FAN1: variants seen among roughly 807,000 people sequenced by gnomAD.
The protein encoded by FAN1 is fanconi-associated nuclease 1.
Under a neutral mutation model 104.9 loss-of-function variants are expected in FAN1, and 91 were observed. That is an observed-to-expected ratio of 0.87 (90% CI 0.73 to 1.03). The LOEUF is 1.03. FAN1 is among the 50% of genes least tolerant of loss of function. The pLI is 0.00. For missense variants in FAN1, 1,263 were observed against 1,239.9 expected (o/e 1.02, Z -0.28); for synonymous variants, 478 against 457.6 (o/e 1.04, Z -0.57).
At position 30,918,188 on chromosome 15, in the gene FAN1, G is replaced by A. The variant is rs201558469; in HGVS notation, c.1836G>A (p.Leu612=). The change falls in exon 6 of 15, where the codon CTG becomes CTA. Residue 612 remains leucine (L), a synonymous_variant. Coordinates refer to ENST00000362065, the MANE Select transcript of FAN1 (RefSeq NM_014967.5). ...GATATGCAGCAGCCACGCACATGCT[G>A]AGTGACATTTCTTCCGCAATGGCCA... The part of the protein sequence containing the change: ...LIRYAAATHM[L]SDISSAMANG... 3 of 1,614,034 alleles carry A rather than the reference G, an allele frequency of 1.9e-6. No individual in the cohort carries two copies. Among genetic ancestry groups the A allele is most frequent in the Non-Finnish European group, 2.5e-6 (3 of 1,180,020 alleles).
rs898831862 is a variant in FAN1, at chr15:30,927,555, C to T, written c.2489-998C>T. On this transcript the variant is annotated intron_variant, in intron 10 of 14. Coordinates refer to ENST00000362065, the MANE Select transcript of FAN1 (RefSeq NM_014967.5). The stretch of plus-strand genomic sequence containing the variant: ...GCTGTGGCTTCCTGCCCTCTGCTCT[C>T]ACAGCACCCCTGATCCCACTCACTG... The T allele has an allele frequency of 5.1e-6, 5 of 985,602 alleles. No individual in the cohort carries two copies. The African/African-American group carries it at 8.7e-5, about 17-fold the overall frequency. The allele number at this position is 985,602 out of a possible 1,614,324, so 61.1% of individuals were successfully genotyped here. A position where few individuals can be genotyped will look rare whatever the true frequency, so the allele number is the denominator to read the frequency against.
chr15:30,930,959 C>G (rs767215929), intron 13 of FAN1, among the ~76,000 whole-genome samples: 1 of 152,184 alleles, frequency 6.6e-6, no homozygotes, highest in Non-Finnish European at 1.5e-5. Context: ...GAACGAGTCT[C>G]TAGTCCAGCT....
intron 8 of FAN1, among the ~76,000 whole-genome samples, chr15:30,923,599 A>T (rs1237976432): frequency 6.6e-6 from 1 of 152,154 alleles, no homozygotes; most frequent in African/African-American, 2.4e-5. Flanking sequence ...AATTCCTGCA[A>T]AGTGCTCTGC....
Position 30,943,095 on chromosome 15 carries a change from T to G in FAN1, c.*1533T>G. On this transcript the variant is annotated 3_prime_UTR_variant, in exon 15 of 15. Transcript: ENST00000362065. ...TTCCTGCAAAATAAATAAATAAATA[T>G]TTGCAAAACTAAAGATTCTCTCATG... is the stretch of plus-strand genomic sequence containing the variant. 1.3e-6 allele frequency: 2 copies of G among 1,527,268 alleles called. No individual in the cohort carries two copies. Among genetic ancestry groups the G allele is most frequent in the Non-Finnish European group, 1.8e-6 (2 of 1,137,572 alleles). 94.6% of individuals were successfully genotyped at this position (1,527,268 alleles called of 1,614,324 possible). A position where few individuals can be genotyped will look rare whatever the true frequency, so the allele number is the denominator to read the frequency against.
rs772219925 is a variant in FAN1, at chr15:30,942,973, T to C, written c.*1411T>C. ...ATGTAGAAGGGGTTATGGAAAAGGG[T>C]GCGATCCTTTGCTGTAAACTGGAGA... is the stretch of plus-strand genomic sequence containing the variant. On this transcript the variant is annotated 3_prime_UTR_variant, in exon 15 of 15. Transcript: ENST00000362065. 6.4e-7 allele frequency: 1 copy of C among 1,555,898 alleles called. No individual in the cohort carries two copies. The highest frequency in any genetic ancestry group is 1.9e-5 in the Admixed American group (1 of 51,386).
At position 30,909,855 on chromosome 15, in the gene FAN1, G is replaced by C; in HGVS notation, c.1376-759G>C. On this transcript the variant is annotated intron_variant, in intron 3 of 14. Coordinates refer to ENST00000362065, the MANE Select transcript of FAN1 (RefSeq NM_014967.5). ...CTTGTCAAAGGTTTGCCTGACTACTGTGTGAAATACAGCCAGCCTCCTGCC... is the reference window on the plus strand; with the variant it reads ...CTTGTCAAAGGTTTGCCTGACTACTCTGTGAAATACAGCCAGCCTCCTGCC... Among the ~76,000 whole-genome samples, 3 of 152,310 alleles carry C rather than the reference G, an allele frequency of 2.0e-5. No homozygotes were observed. In the South Asian group the frequency reaches 6.2e-4, roughly 32 times the overall value.
rs754760573 is a variant in FAN1, at chr15:30,904,835, C to T, written c.172C>T (p.Arg58Trp). Residue 58 changes from arginine to tryptophan, a missense_variant, in exon 2 of 15, where the codon CGG (arginine) becomes TGG (tryptophan). Physicochemically the swap from Arg to Trp is moderately radical, Grantham distance 101. Coordinates refer to ENST00000362065, the MANE Select transcript of FAN1 (RefSeq NM_014967.5). ...SKMVPRYDLN[R>W]HLDEMCANND... ...AATGGTGCCTAGATATGACTTAAAC[C>T]GGCACCTTGATGAAATGTGTGCTAA... 3 of 1,613,246 alleles carry T rather than the reference C, an allele frequency of 1.9e-6. No individual in the cohort carries two copies. The highest frequency in any genetic ancestry group is 1.7e-6 in the Non-Finnish European group (2 of 1,179,286).
In FAN1 at chr15:30,941,297, TTAAAA is replaced by T. The variant is rs772793403; in HGVS notation, c.*4-265_*4-261del. 1.1e-5 allele frequency: 16 copies of T among 1,516,850 alleles called. No individual in the cohort carries two copies. In the African/African-American group the frequency reaches 1.5e-4, roughly 14 times the overall value. The allele number at this position is 1,516,850 out of a possible 1,614,324, so 94.0% of individuals were successfully genotyped here. ...GACAGGAACAAAATTTACATCTCTC[TTAAAA>T]TAAGTGTGAAAGAAGCATGATTCAA... On this transcript the variant is annotated intron_variant, in intron 14 of 14. Transcript: ENST00000362065.
At chr15:30,937,464 TTTTTTGAGACAGAGTCTCGCTCTG>T (rs991023492) in intron 14 of FAN1, among the ~76,000 whole-genome samples, 1 of 147,456 alleles carries the variant, frequency 6.8e-6, no homozygotes, top group South Asian at 2.2e-4. Context: ...TTTTTTTTTT[TTTTTTGAGACAGAGTCTCGCTCTG>T]TCACCCAGGC....
rs1315381732 is a variant in FAN1 at position 30,925,182 on chromosome 15, G to A, written c.2228G>A (p.Arg743His). The A allele has an allele frequency of 4.3e-6, 7 of 1,613,998 alleles. No homozygotes were observed. The highest frequency in any genetic ancestry group is 1.7e-5 in the Admixed American group (1 of 60,010). Residue 743 changes from arginine (R) to histidine (H), a missense_variant, in exon 9 of 15, where the codon CGC becomes CAC. Around this residue, in one of 2 missense-constraint regions of FAN1, gnomAD observed 581 missense variants for 668.8 expected, o/e 0.87. Transcript: ENST00000362065. Reference sequence around the variant, plus strand: ...GATCCGGAAGTCAGAACGGGACACCGCCTTTCACTGTATCAGCGAGCCGTG... The same window carrying A: ...GATCCGGAAGTCAGAACGGGACACCACCTTTCACTGTATCAGCGAGCCGTG... ...LADPEVRTGH[R>H]LSLYQRAVRL... is the part of the protein sequence containing the mutation.
chr15:30,940,274 ATACTT>A (rs10608023), intron 14 of FAN1: 315,798 of 984,354 alleles, frequency 0.32, 51,865 homozygotes, highest in Non-Finnish European at 0.34. Flanking sequence ...CAGTTTGGAA[ATACTT>A]TACTTTAGAG....
intron 3 of FAN1, among the ~76,000 whole-genome samples, chr15:30,909,501 C>T (rs1015547710): frequency 1.3e-5 from 2 of 152,186 alleles, no homozygotes; most frequent in Admixed American, 6.5e-5. Context: ...GTGCAGCTTC[C>T]GTAAATTCAT....
chr15:30,909,488 G>A (rs571451556), intron 3 of FAN1, among the ~76,000 whole-genome samples: 7 of 152,234 alleles, frequency 4.6e-5, no homozygotes, highest in Non-Finnish European at 1.0e-4. Context: ...CTTGGAAAAT[G>A]TGGTGCAGCT....
chr15:30,905,129 G>C lies in FAN1; in HGVS notation c.466G>C (p.Ala156Pro). The C allele has an allele frequency of 6.2e-7, 1 of 1,613,938 alleles. No homozygotes were observed. The highest frequency in any genetic ancestry group is 1.3e-5 in the African/African-American group (1 of 75,020). ...GAAAGTCATTTGTTTGGGAAGCCTA[G>C]CATCTAAATTGTCCAGAAAATACGT... Reference protein sequence around the residue: ...SVKVICLGSLASKLSRKYVKA... With the variant: ...SVKVICLGSLPSKLSRKYVKA... Residue 156 changes from alanine to proline, a missense_variant, in exon 2 of 15, where the codon GCA becomes CCA. Coordinates refer to ENST00000362065, the MANE Select transcript of FAN1 (RefSeq NM_014967.5).
intron 10 of FAN1, chr15:30,927,899 T>C: frequency 1.0e-6 from 1 of 985,736 alleles, no homozygotes; most frequent in Non-Finnish European, 1.2e-6. Flanking sequence ...CTGACTTCTG[T>C]CTCTCAGGTC....
Position 30,929,198 on chromosome 15 carries a change from C to T in FAN1, c.2593-5C>T, listed in dbSNP as rs760006980. The T allele has an allele frequency of 5.0e-6, 8 of 1,610,118 alleles. No homozygotes were observed. In the East Asian group the frequency reaches 1.6e-4, roughly 32 times the overall value. ...GTATGACAGCTTGCTTTCCCTGTGACACAGGCATTCCCCCTGGACTTGTGC... is the reference window on the plus strand; with the variant it reads ...GTATGACAGCTTGCTTTCCCTGTGATACAGGCATTCCCCCTGGACTTGTGC... On this transcript the variant is annotated splice_region_variant and splice_polypyrimidine_tract_variant and intron_variant, in intron 11 of 14. Coordinates refer to ENST00000362065, the MANE Select transcript of FAN1 (RefSeq NM_014967.5).
chr15:30,909,337 C>T (rs952152385), intron 3 of FAN1, among the ~76,000 whole-genome samples: 3 of 152,062 alleles, frequency 2.0e-5, no homozygotes, highest in African/African-American at 4.8e-5. Context: ...GGGAAAGTTG[C>T]GGGAGAGGCA....
intron 9 of FAN1, 102 bp from the exon 10 acceptor site, chr15:30,925,687 G>A: frequency 3.0e-6 from 4 of 1,321,422 alleles, no homozygotes; most frequent in Non-Finnish European, 4.2e-6. Flanking sequence ...CTAAGTGACT[G>A]ACTTTGTGGT....
chr15:30,904,199 C>G (rs1405579427), intron 1 of FAN1, among the ~76,000 whole-genome samples, 188 bp downstream of exon 1: 1 of 152,194 alleles, frequency 6.6e-6, no homozygotes, highest in African/African-American at 2.4e-5. Flanking sequence ...GTCTCCATCT[C>G]ACTCAGAAAA....
Sources: gnomAD v4.1 joint callset for allele counts (sites outside exome capture counted in the v4.1 genomes callset) on GRCh38, gnomAD v4.1.1 for gene constraint, gnomAD v4.1.1 regional missense constraint, MANE v1.5 for transcripts, NCBI Gene and HGNC (gene_info 2026-07-23, HGNC 2026-07-21) for gene names.